The following LOC400499 variants were observed in gnomAD, a reference collection of about 807,000 sequenced individuals.
the LOC400499 span, among the ~76,000 whole-genome samples, chr16:11,437,730 G>C: frequency 6.6e-6 from 1 of 152,162 alleles, no homozygotes; most frequent in Non-Finnish European, 1.5e-5. Context: ...TTATCTGGGT[G>C]TGGTGGCGCA....
the LOC400499 span, chr16:11,508,750 C>T: frequency 2.5e-6 from 1 of 399,124 alleles, no homozygotes; most frequent in Non-Finnish European, 4.4e-6. Flanking sequence ...GCACAGCCTC[C>T]TTACTAATGT....
the LOC400499 span, among the ~76,000 whole-genome samples, chr16:11,445,894 C>T: frequency 1.4e-5 from 2 of 140,912 alleles, no homozygotes; most frequent in South Asian, 2.3e-4. Flanking sequence ...AATGCAGTGG[C>T]GTGATCTCAG....
chr16:11,448,531 C>T, the LOC400499 span, among the ~76,000 whole-genome samples: 1 of 28,686 alleles, frequency 3.5e-5, no homozygotes. Context: ...AACAAACAAA[C>T]AAACAAACAA....
chr16:11,434,086 A>T, the LOC400499 span, among the ~76,000 whole-genome samples: 2 of 152,072 alleles, frequency 1.3e-5, no homozygotes, highest in Admixed American at 6.5e-5. Flanking sequence ...AACCTGAGTG[A>T]GGGGGAGGAT....
At chr16:11,440,281 C>A in the LOC400499 span, among the ~76,000 whole-genome samples, 1 of 152,204 alleles carries the variant, frequency 6.6e-6, no homozygotes, top group African/African-American at 2.4e-5. Context: ...TCTTCCTGGA[C>A]ATATAGCTAA....
chr16:11,377,697 T>C, the LOC400499 span, among the ~76,000 whole-genome samples: 1 of 152,280 alleles, frequency 6.6e-6, no homozygotes, highest in East Asian at 1.9e-4. Context: ...TGCTGTCAAA[T>C]TCTCCTTATT....
the LOC400499 span, among the ~76,000 whole-genome samples, chr16:11,431,572 G>A: frequency 5.3e-5 from 8 of 152,064 alleles, no homozygotes; most frequent in Non-Finnish European, 8.8e-5. Flanking sequence ...CAGCTGGCTA[G>A]TTTTTGTACT....
At chr16:11,464,192 G>A in the LOC400499 span, among the ~76,000 whole-genome samples, 1 of 151,936 alleles carries the variant, frequency 6.6e-6, no homozygotes, top group African/African-American at 2.4e-5. Flanking sequence ...GTGTATGGAT[G>A]TATGTGTGTG....
the LOC400499 span, chr16:11,417,682 C>G: frequency 2.5e-6 from 1 of 399,130 alleles, no homozygotes; most frequent in Non-Finnish European, 4.4e-6. Context: ...GAACCCTGCC[C>G]ACAACAAAGC....
At chr16:11,517,331 G>A in the LOC400499 span, among the ~76,000 whole-genome samples, 2 of 152,030 alleles carry the variant, frequency 1.3e-5, no homozygotes, top group Non-Finnish European at 2.9e-5. Flanking sequence ...TTCATTCCAC[G>A]ATGCCCCTGT....
the LOC400499 span, chr16:11,417,830 CCA>C: frequency 2.5e-5 from 10 of 398,706 alleles, no homozygotes; most frequent in African/African-American, 1.9e-4. Context: ...TTGTGAATGT[CCA>C]CAGAGACCTG....
the LOC400499 span, chr16:11,519,083 T>C: frequency 2.5e-6 from 1 of 397,512 alleles, no homozygotes; most frequent in Non-Finnish European, 4.4e-6. Context: ...GAACCCATGT[T>C]GGGGGCAAGG....
the LOC400499 span, among the ~76,000 whole-genome samples, chr16:11,404,085 C>A: frequency 1.3e-5 from 2 of 152,182 alleles, no homozygotes; most frequent in African/African-American, 2.4e-5. Context: ...TCTGCCAGCT[C>A]CTTCTCATCC....
the LOC400499 span, among the ~76,000 whole-genome samples, chr16:11,504,659 A>G: frequency 6.6e-6 from 1 of 152,180 alleles, no homozygotes; most frequent in South Asian, 2.1e-4. Flanking sequence ...GCAGTGGCTC[A>G]TGCCTGTAAT....
the LOC400499 span, among the ~76,000 whole-genome samples, chr16:11,411,948 G>A: frequency 6.6e-6 from 1 of 150,968 alleles, no homozygotes; most frequent in East Asian, 1.9e-4. Flanking sequence ...CTGCAGCTTC[G>A]ATCTCCCAGA....
At chr16:11,385,935 C>G in the LOC400499 span, among the ~76,000 whole-genome samples, 1 of 152,106 alleles carries the variant, frequency 6.6e-6, no homozygotes. Flanking sequence ...CTTTGGGGGA[C>G]TGAGGCAGGA....
the LOC400499 span, among the ~76,000 whole-genome samples, chr16:11,430,784 G>A: frequency 0.12 from 17,715 of 152,176 alleles, 2,013 homozygotes; most frequent in African/African-American, 0.3. Context: ...ATGTCCATTA[G>A]CGTGTTAAAG....
chr16:11,462,727 C>A, the LOC400499 span, among the ~76,000 whole-genome samples: 71 of 152,276 alleles, frequency 4.7e-4, no homozygotes, highest in African/African-American at 1.6e-3. Flanking sequence ...CCAGCCCTTC[C>A]CCAATTTTTT....
chr16:11,464,590 G>C, the LOC400499 span, among the ~76,000 whole-genome samples: 10 of 152,180 alleles, frequency 6.6e-5, no homozygotes, highest in Middle Eastern at 3.2e-3. Context: ...TTGAACATAA[G>C]CTCTGGGACT....
Sources: allele counts gnomAD v4.1 joint callset (sites outside exome capture counted in the v4.1 genomes callset), GRCh38; gene constraint gnomAD v4.1.1; transcripts MANE v1.5.